KCNIP1: variants seen among roughly 807,000 people sequenced by gnomAD.
KCNIP1 encodes the protein potassium voltage-gated channel interacting protein 1.
KCNIP1 carries 18 observed loss-of-function variants against 33.0 expected under a neutral mutation model. The ratio of observed to expected loss-of-function variants is 0.55; its 90% confidence interval spans 0.38 to 0.81. The LOEUF (loss-of-function observed/expected upper bound fraction) is 0.81, where lower values mean the gene tolerates loss of function less well. Among genes scored for constraint, KCNIP1 ranks in the 30% least tolerant of loss-of-function variants. The probability of loss-of-function intolerance (pLI) is 0.00; values close to 1 mark genes in which losing one functional copy is unlikely to be tolerated. For synonymous variants in KCNIP1, 93 were observed against 98.3 expected (o/e 0.95, Z 0.32); for missense variants, 238 against 271.6 (o/e 0.88, Z 0.87).
At chr5:170,685,079 C>A (rs573215359) in intron 1 of KCNIP1, among the ~76,000 whole-genome samples, 4 of 152,064 alleles carry the variant, frequency 2.6e-5, no homozygotes, top group Non-Finnish European at 5.9e-5. Flanking sequence ...GAATGGTAAC[C>A]TTTGGCCTCT....
chr5:170,606,199 A>G (rs1235731140), intron 1 of KCNIP1, among the ~76,000 whole-genome samples: 1 of 152,210 alleles, frequency 6.6e-6, no homozygotes. Context: ...TCATGCTGCT[A>G]TAAATATTCA....
chr5:170,529,166 C>T (rs1165229194), intron 1 of KCNIP1, among the ~76,000 whole-genome samples: 3 of 152,144 alleles, frequency 2.0e-5, no homozygotes, highest in Admixed American at 6.5e-5. Flanking sequence ...AAGAAAATGT[C>T]GACAAGAACC....
intron 1 of KCNIP1, among the ~76,000 whole-genome samples, chr5:170,526,719 CT>C (rs145988547): frequency 0.04 from 4,849 of 122,756 alleles, 222 homozygotes; most frequent in African/African-American, 0.14. Context: ...ATCTGATTAG[CT>C]TTTTTTTTTT....
chr5:170,395,936 G>T (rs1385192048), intron 1 of KCNIP1, among the ~76,000 whole-genome samples: 1 of 152,198 alleles, frequency 6.6e-6, no homozygotes, highest in Non-Finnish European at 1.5e-5. Flanking sequence ...GGTGTCCCTA[G>T]GTGTGCTGCA....
intron 1 of KCNIP1, among the ~76,000 whole-genome samples, chr5:170,581,566 C>T (rs745464791): frequency 2.0e-5 from 3 of 152,232 alleles, no homozygotes; most frequent in South Asian, 2.1e-4. Context: ...GGGGAAGTGA[C>T]AACCTGTGTA....
At chr5:170,445,514 T>G (rs1352472625) in intron 1 of KCNIP1, among the ~76,000 whole-genome samples, 1 of 152,212 alleles carries the variant, frequency 6.6e-6, no homozygotes, top group Non-Finnish European at 1.5e-5. Flanking sequence ...GGCCACGCAG[T>G]TCCCTTCCAA....
Position 170,573,111 on chromosome 5 carries a change from C to T in KCNIP1, c.61+68478C>T, listed in dbSNP as rs557784781. On this transcript the variant is annotated intron_variant, in intron 1 of 7. Transcript: ENST00000328939. ...CTGGCATTGCTCTCCTATGCAAGAC[C>T]CTGACACAGACACACACAGTCTTTT... 2.0e-5 allele frequency among the ~76,000 whole-genome samples: 3 copies of T among 152,348 alleles called. No individual in the cohort carries two copies. In the South Asian group the frequency reaches 6.2e-4, roughly 32 times the overall value.
chr5:170,669,823 C>A (rs1761848768), intron 1 of KCNIP1, among the ~76,000 whole-genome samples: 1 of 152,136 alleles, frequency 6.6e-6, no homozygotes, highest in Non-Finnish European at 1.5e-5. Flanking sequence ...TCGCTTTTCC[C>A]CCTCCCATGC....
intron 1 of KCNIP1, among the ~76,000 whole-genome samples, chr5:170,644,479 A>G (rs978651615): frequency 6.6e-6 from 1 of 152,332 alleles, no homozygotes; most frequent in Non-Finnish European, 1.5e-5. Context: ...GGCTGGGCGG[A>G]GGAGCAGCCT....
intron 1 of KCNIP1, among the ~76,000 whole-genome samples, chr5:170,426,460 G>A (rs781267853): frequency 2.0e-5 from 3 of 152,178 alleles, no homozygotes; most frequent in Non-Finnish European, 4.4e-5. Flanking sequence ...ACTGAAGGGC[G>A]AAGGCTTGAG....
intron 1 of KCNIP1, among the ~76,000 whole-genome samples, chr5:170,613,255 T>C (rs1024613158): frequency 3.9e-5 from 6 of 152,202 alleles, no homozygotes; most frequent in Non-Finnish European, 1.5e-5. Context: ...CCTGTGTGTG[T>C]CCATCGCTCC....
At chr5:170,544,027 A>C (rs1369391534) in intron 1 of KCNIP1, among the ~76,000 whole-genome samples, 2 of 152,202 alleles carry the variant, frequency 1.3e-5, no homozygotes, top group East Asian at 3.8e-4. Flanking sequence ...GCTCATTCGT[A>C]AGTATTTTTG....
intron 1 of KCNIP1, among the ~76,000 whole-genome samples, chr5:170,675,166 G>A (rs1762082650): frequency 1.3e-5 from 2 of 151,830 alleles, no homozygotes; most frequent in Non-Finnish European, 2.9e-5. Flanking sequence ...TGGGCTTGCT[G>A]CCTGCACCTG....
At chr5:170,377,459 A>T (rs532514221) in intron 1 of KCNIP1, 10 of 152,318 alleles carry the variant, frequency 6.6e-5, no homozygotes, top group African/African-American at 2.4e-4. Flanking sequence ...GCCCTTTTCA[A>T]ATCTGAGATA....
intron 1 of KCNIP1, among the ~76,000 whole-genome samples, chr5:170,665,729 C>G (rs1761678316): frequency 8.4e-6 from 1 of 119,184 alleles, no homozygotes; most frequent in Non-Finnish European, 1.8e-5. Context: ...TCTCCTTAGA[C>G]TCTTCTTGGC....
intron 1 of KCNIP1, among the ~76,000 whole-genome samples, chr5:170,455,704 G>T (rs1756355571): frequency 6.6e-6 from 1 of 152,144 alleles, no homozygotes; most frequent in Non-Finnish European, 1.5e-5. Flanking sequence ...ATTGGTTGAA[G>T]AAGAAATCAC....
At chr5:170,633,183 G>C (rs927058791) in intron 1 of KCNIP1, among the ~76,000 whole-genome samples, 3 of 152,056 alleles carry the variant, frequency 2.0e-5, no homozygotes, top group African/African-American at 7.2e-5. Context: ...GGCGGTGTGG[G>C]GCGCCACCTG....
intron 1 of KCNIP1, among the ~76,000 whole-genome samples, chr5:170,443,646 T>C (rs1756043926): frequency 6.6e-6 from 1 of 152,250 alleles, no homozygotes; most frequent in African/African-American, 2.4e-5. Context: ...ACTCCTGTCC[T>C]CGTCCTGAGT....
At chr5:170,365,873 G>A (rs1383397721) in intron 1 of KCNIP1, among the ~76,000 whole-genome samples, 1 of 152,224 alleles carries the variant, frequency 6.6e-6, no homozygotes, top group Admixed American at 6.5e-5. Flanking sequence ...GTTTAGTGTA[G>A]GGCTTGTGTC....
Sources: allele counts gnomAD v4.1 joint callset (sites outside exome capture counted in the v4.1 genomes callset), GRCh38; gene constraint gnomAD v4.1.1; transcripts MANE v1.5; gene names NCBI Gene and HGNC (gene_info 2026-07-23, HGNC 2026-07-21).